The following TUBD1 variants were observed in gnomAD, a reference collection of about 807,000 sequenced individuals.
TUBD1 encodes tubulin delta 1.
In TUBD1, 38 loss-of-function variants were observed where a neutral mutation model predicts 51.2. That is an observed-to-expected ratio of 0.74 (90% CI 0.57 to 0.97). TUBD1 has a LOEUF of 0.97. Among genes scored for constraint, TUBD1 ranks in the 50% least tolerant of loss-of-function variants. TUBD1 has a pLI of 0.00. For synonymous variants in TUBD1, 169 were observed against 178.2 expected (o/e 0.95, Z 0.41); for missense variants, 489 against 538.4 (o/e 0.91, Z 0.91).
chr17:59,874,743 C>T (rs748247284), intron 5 of TUBD1, 40 bp from the exon 6 acceptor site: 32 of 1,558,608 alleles, frequency 2.1e-5, no homozygotes, highest in Non-Finnish European at 2.8e-5. Context: ...TTTTTTTATT[C>T]TACATTGTTG....
intron 4 of TUBD1, among the ~76,000 whole-genome samples, chr17:59,879,003 G>A (rs1039359586): frequency 2.6e-5 from 4 of 152,024 alleles, no homozygotes; most frequent in Non-Finnish European, 5.9e-5. Context: ...AGCTGGGAGC[G>A]GTAGCTCATG....
intron 4 of TUBD1, among the ~76,000 whole-genome samples, chr17:59,880,455 C>T (rs1313604462): frequency 3.9e-5 from 6 of 152,052 alleles, no homozygotes; most frequent in Non-Finnish European, 8.8e-5. Context: ...TATTAAATAA[C>T]CATTCTGGAA....
chr17:59,876,669 CT>C (rs1220791106), intron 5 of TUBD1, among the ~76,000 whole-genome samples: 1 of 151,634 alleles, frequency 6.6e-6, no homozygotes, highest in Non-Finnish European at 1.5e-5. Context: ...TTTTTAAATT[CT>C]TAGTAGAGAT....
chr17:59,885,089 C>T (rs777722455), intron 3 of TUBD1: 3 of 355,006 alleles, frequency 8.5e-6, no homozygotes, highest in Admixed American at 3.8e-5. Context: ...TGCCGCTGGG[C>T]GCAAGGACAG....
chr17:59,875,905 G>A (rs982797297), intron 5 of TUBD1, among the ~76,000 whole-genome samples: 1 of 152,068 alleles, frequency 6.6e-6, no homozygotes, highest in African/African-American at 2.4e-5. Flanking sequence ...TGTCTCATAT[G>A]TTTATAGAAA....
chr17:59,859,934 TC>T lies in TUBD1; in HGVS notation c.*387del, dbSNP rs2039355968. 6.5e-6 allele frequency: 1 copy of T among 153,232 alleles called. No homozygotes were observed. The highest frequency in any genetic ancestry group is 1.5e-5 in the Non-Finnish European group (1 of 68,794). The allele number at this position is 153,232 out of a possible 1,614,324, so 9.5% of individuals were successfully genotyped here. On this transcript the variant is annotated 3_prime_UTR_variant, in exon 9 of 9. Coordinates refer to ENST00000325752, the MANE Select transcript of TUBD1 (RefSeq NM_016261.4). ...GATTCTCCATTTTAAAAAGTTTTCT[TC>T]CTTTTCTGTGGGCATAGTATGCAGA...
Position 59,886,291 on chromosome 17 carries a change from G to A in TUBD1, c.173-61C>T, listed in dbSNP as rs1234118660. The stretch of plus-strand genomic sequence containing the variant: ...AAAAAAGATTTATTATGTCTTATTT[G>A]GGTAACTCAGAGCATCTAAGTGTCC... On this transcript the variant is annotated intron_variant, in intron 2 of 8. Transcript: ENST00000325752. The A allele has an allele frequency of 4.7e-6, 7 of 1,503,570 alleles. No homozygotes were observed. The Admixed American group carries it at 1.1e-4, about 25-fold the overall frequency. The allele number at this position is 1,503,570 out of a possible 1,614,324, so 93.1% of individuals were successfully genotyped here. A position where few individuals can be genotyped will look rare whatever the true frequency, so the allele number is the denominator to read the frequency against.
intron 3 of TUBD1, among the ~76,000 whole-genome samples, chr17:59,884,029 G>A (rs1323833337): frequency 6.6e-6 from 1 of 152,030 alleles, no homozygotes; most frequent in Admixed American, 6.6e-5. Flanking sequence ...GGGAGGCGGA[G>A]GTGGGTGGAT....
chr17:59,878,011 A>G lies in TUBD1; in HGVS notation c.769+92T>C, dbSNP rs1367760345. ...TTTGAGATGAGCAAGACTTAAGTGT[A>G]TCTTCAGGCAGAGGAGGAGACAGAA... is the stretch of plus-strand genomic sequence containing the variant. On this transcript the variant is annotated intron_variant, in intron 5 of 8. Transcript: ENST00000325752. The G allele has an allele frequency of 5.2e-6, 5 of 956,128 alleles. No individual in the cohort carries two copies. The African/African-American group carries it at 6.6e-5, about 13-fold the overall frequency. 59.2% of individuals were successfully genotyped at this position (956,128 alleles called of 1,614,324 possible).
chr17:59,866,509 T>C, intron 7 of TUBD1, 100 bp downstream of exon 7: 1 of 1,480,160 alleles, frequency 6.8e-7, no homozygotes, highest in Non-Finnish European at 9.1e-7. Context: ...GTTATTACTT[T>C]CCTTTCTCCA....
At chr17:59,872,693 A>AAT (rs1305642590) in intron 6 of TUBD1, among the ~76,000 whole-genome samples, 3 of 97,934 alleles carry the variant, frequency 3.1e-5, no homozygotes, top group Non-Finnish European at 4.2e-5. Flanking sequence ...TGAAAATGGG[A>AAT]ATGTGTGTGT....
intron 5 of TUBD1, among the ~76,000 whole-genome samples, chr17:59,876,057 T>G (rs1281469645): frequency 1.3e-5 from 2 of 152,326 alleles, no homozygotes; most frequent in African/African-American, 4.8e-5. Flanking sequence ...GGCGGGCTTG[T>G]GCTAATGGAG....
chr17:59,887,289 T>C (rs1474450362), intron 2 of TUBD1, among the ~76,000 whole-genome samples: 1 of 152,072 alleles, frequency 6.6e-6, no homozygotes, highest in Admixed American at 6.6e-5. Context: ...CGAGAATTGC[T>C]TGAACCCAGG....
chr17:59,888,531 C>A (rs370552344), intron 2 of TUBD1, among the ~76,000 whole-genome samples: 1 of 152,040 alleles, frequency 6.6e-6, no homozygotes, highest in Non-Finnish European at 1.5e-5. Context: ...GTGGAGATAT[C>A]CACTAATCTG....
intron 6 of TUBD1, among the ~76,000 whole-genome samples, chr17:59,872,653 TGTGA>T (rs1276594498): frequency 8.3e-6 from 1 of 119,882 alleles, no homozygotes; most frequent in African/African-American, 3.2e-5. Flanking sequence ...TGAGTATGTG[TGTGA>T]GTGTGCACAT....
intron 3 of TUBD1, among the ~76,000 whole-genome samples, chr17:59,881,441 G>A (rs1459186273): frequency 6.6e-6 from 1 of 152,116 alleles, no homozygotes; most frequent in Non-Finnish European, 1.5e-5. Context: ...GTTAACAGGC[G>A]AACAGGACTG....
intron 2 of TUBD1, among the ~76,000 whole-genome samples, chr17:59,890,363 C>A (rs1418367201): frequency 6.6e-6 from 1 of 152,142 alleles, no homozygotes. Context: ...CCTGCCTCAG[C>A]CTCCCGAGTA....
chr17:59,875,181 C>T (rs907797278), intron 5 of TUBD1, among the ~76,000 whole-genome samples: 4 of 143,954 alleles, frequency 2.8e-5, no homozygotes, highest in Non-Finnish European at 4.5e-5. Context: ...CACGATCAAG[C>T]GATTCCCGTC....
intron 3 of TUBD1, 102 bp downstream of exon 3, chr17:59,885,981 G>T: frequency 7.8e-7 from 1 of 1,285,314 alleles, no homozygotes; most frequent in Non-Finnish European, 1.1e-6. Context: ...GCAATTTCAA[G>T]ATTATGTGCT....
Sources: gnomAD v4.1 joint callset for allele counts (sites outside exome capture counted in the v4.1 genomes callset) on GRCh38, gnomAD v4.1.1 for gene constraint, MANE v1.5 for transcripts, NCBI Gene and HGNC (gene_info 2026-07-23, HGNC 2026-07-21) for gene names.